Variants in PARP16 observed in about 807,000 individuals in gnomAD.
PARP16 encodes the protein poly(ADP-ribose) polymerase family member 16, also known as protein mono-ADP-ribosyltransferase PARP16.
A neutral mutation model predicts 35.0 loss-of-function variants in PARP16; 31 were observed. That is an observed-to-expected ratio of 0.88 (90% confidence interval 0.66 to 1.19). The LOEUF is 1.19. Among genes scored for constraint, PARP16 ranks in the 50% most tolerant of loss-of-function variants. The pLI is 0.00. For missense variants in PARP16, 424 were observed against 411.2 expected (o/e 1.03, Z -0.27); for synonymous variants, 162 against 169.5 (o/e 0.96, Z 0.34).
At chr15:65,255,186 G>C (rs1376486450), downstream of PARP16, among the ~76,000 whole-genome samples, 2 of 152,116 alleles carry the variant, frequency 1.3e-5, no homozygotes, top group Non-Finnish European at 2.9e-5. Context: ...GTCTCGTGTA[G>C]GGCTTGTCTC....
intron 1 of PARP16, among the ~76,000 whole-genome samples, chr15:65,284,245 CTTTT>C (rs1195241956): frequency 3.3e-5 from 5 of 151,914 alleles, no homozygotes; most frequent in Admixed American, 2.6e-4. Context: ...AGGAATTACC[CTTTT>C]TTATACATTG....
chr15:65,256,006 T>C (rs2089496261), downstream of PARP16, among the ~76,000 whole-genome samples: 1 of 152,210 alleles, frequency 6.6e-6, no homozygotes, highest in African/African-American at 2.4e-5. Flanking sequence ...AAACTGTTCC[T>C]GCTGAGTTTG....
chr15:65,264,106 G>A (rs1270418473), intron 3 of PARP16, among the ~76,000 whole-genome samples: 1 of 152,170 alleles, frequency 6.6e-6, no homozygotes, highest in African/African-American at 2.4e-5. Flanking sequence ...TCTTTGTATT[G>A]GGGTTGACCA....
At chr15:65,241,853 CTT>C (rs1185909762) in intron 3 of PARP16, among the ~76,000 whole-genome samples, 1 of 151,998 alleles carries the variant, frequency 6.6e-6, no homozygotes, top group Non-Finnish European at 1.5e-5. Flanking sequence ...CGACAGTTGT[CTT>C]TTCGTTTTTC....
chr15:65,241,079 G>A (rs1391685837), intron 3 of PARP16, among the ~76,000 whole-genome samples: 1 of 149,722 alleles, frequency 6.7e-6, no homozygotes, highest in African/African-American at 2.5e-5. Context: ...CAAGTGATCT[G>A]CCCCCCTCAG....
At chr15:65,283,027 G>T (rs1405427212) in intron 1 of PARP16, among the ~76,000 whole-genome samples, 1 of 152,166 alleles carries the variant, frequency 6.6e-6, no homozygotes, top group Non-Finnish European at 1.5e-5. Flanking sequence ...AAGCCCCTTT[G>T]CATGTATCCC....
At position 65,259,420 on chromosome 15, in the gene PARP16, C is replaced by G. The variant is rs764337956; in HGVS notation, c.956G>C (p.Arg319Pro). 6.2e-7 allele frequency: 1 copy of G among 1,614,094 alleles called. No individual in the cohort carries two copies. The highest frequency in any genetic ancestry group is 1.7e-5 in the Admixed American group (1 of 60,016). The change falls in exon 6 of 6, where the codon CGT (arginine) becomes CCT (proline). Residue 319 changes from arginine (R) to proline (P), a missense_variant. Arg to Pro is a moderately radical substitution (Grantham distance 103, BLOSUM62 -2). Coordinates refer to ENST00000649807, the MANE Select transcript of PARP16 (RefSeq NM_001316943.2). ...NSSAFQHFWN[R>P]AKR ...GGCCCAGAAAGATTATCTTTTCGCA[C>G]GATTCCAAAAGTGTTGGAAAGCAGA...
At position 65,259,794 on chromosome 15, in the gene PARP16, T is replaced by C. The variant is rs376529488; in HGVS notation, c.834-252A>G. Among the ~76,000 whole-genome samples the C allele has an allele frequency of 7.9e-5, 12 of 152,204 alleles. No homozygotes were observed. The East Asian group carries it at 1.2e-3, about 15-fold the overall frequency. ...CAATGAGCTCATCCTGATCTTCCCTTTTGTAGCTCCTCTTTTACCATTTAC... is the reference window on the plus strand; with the variant it reads ...CAATGAGCTCATCCTGATCTTCCCTCTTGTAGCTCCTCTTTTACCATTTAC... On this transcript the variant is annotated intron_variant, in intron 5 of 5. Coordinates refer to ENST00000649807, the MANE Select transcript of PARP16 (RefSeq NM_001316943.2).
intron 3 of PARP16, among the ~76,000 whole-genome samples, chr15:65,242,274 C>G (rs2089099883): frequency 6.6e-6 from 1 of 152,048 alleles, no homozygotes; most frequent in Non-Finnish European, 1.5e-5. Context: ...TATTGTAGCT[C>G]TGTCTGTAGT....
intron 3 of PARP16, among the ~76,000 whole-genome samples, chr15:65,244,699 G>T (rs528019439): frequency 6.6e-6 from 1 of 152,322 alleles, no homozygotes; most frequent in East Asian, 1.9e-4. Flanking sequence ...CTTGTTTATG[G>T]CTGTATCCCC....
chr15:65,273,922 T>A (rs920060708), intron 1 of PARP16, among the ~76,000 whole-genome samples: 2 of 149,992 alleles, frequency 1.3e-5, no homozygotes, highest in Non-Finnish European at 3.0e-5. Flanking sequence ...ACAGGCCTCA[T>A]GAGGTATCAG....
intron 2 of PARP16, among the ~76,000 whole-genome samples, chr15:65,249,478 G>A (rs772237568): frequency 6.6e-5 from 10 of 152,202 alleles, no homozygotes; most frequent in South Asian, 4.1e-4. Context: ...GAAATGTCTC[G>A]TTCAACCTGG....
intron 1 of PARP16, among the ~76,000 whole-genome samples, chr15:65,272,559 A>G (rs2090127213): frequency 6.6e-6 from 1 of 152,128 alleles, no homozygotes; most frequent in Admixed American, 6.5e-5. Flanking sequence ...TGTTCCAAGA[A>G]TACCCCTTCC....
chr15:65,258,637 T>A lies in PARP16; in HGVS notation c.*770A>T, dbSNP rs2089589728. ...ATTTCCCCTTTTACTCAGCAAAGAC[T>A]AATTTGTTAAACAGCTATTAAAAAA... is the stretch of plus-strand genomic sequence containing the variant. On this transcript the variant is annotated 3_prime_UTR_variant, in exon 6 of 6. Transcript: ENST00000649807. 1 of 152,656 alleles carries A rather than the reference T, an allele frequency of 6.6e-6. No individual in the cohort carries two copies. The highest frequency in any genetic ancestry group is 2.4e-5 in the African/African-American group (1 of 41,444). 9.5% of individuals were successfully genotyped at this position (152,656 alleles called of 1,614,324 possible). A position where few individuals can be genotyped will look rare whatever the true frequency, so the allele number is the denominator to read the frequency against.
intron 1 of PARP16, among the ~76,000 whole-genome samples, 158 bp downstream of exon 1, chr15:65,286,095 C>A (rs566666533): frequency 6.6e-6 from 1 of 152,152 alleles, no homozygotes; most frequent in African/African-American, 2.4e-5. Context: ...GTTCTTAGCT[C>A]ATGGAAACCT....
At position 65,286,844 on chromosome 15, in the gene PARP16, C is replaced by G. The variant is rs2090616305; in HGVS notation, c.-418G>C. Reference sequence around the variant, plus strand: ...CGGGGGACGGCGGGCAGAGCCCACTCTCCGCGACGGGCGAGGCTGCTGCGC... The same window carrying G: ...CGGGGGACGGCGGGCAGAGCCCACTGTCCGCGACGGGCGAGGCTGCTGCGC... On this transcript the variant is annotated 5_prime_UTR_variant, in exon 1 of 6. Transcript: ENST00000649807. 1 of 168,778 alleles carries G rather than the reference C, an allele frequency of 5.9e-6. No individual in the cohort carries two copies. Among genetic ancestry groups the G allele is most frequent in the Non-Finnish European group, 1.3e-5 (1 of 79,416 alleles). 10.5% of individuals were successfully genotyped at this position (168,778 alleles called of 1,614,324 possible).
chr15:65,284,573 G>A (rs1371635599), intron 1 of PARP16, among the ~76,000 whole-genome samples: 7 of 151,632 alleles, frequency 4.6e-5, no homozygotes, highest in East Asian at 1.9e-4. Context: ...TGATCCACCC[G>A]CCTCAGCCTC....
At chr15:65,270,092 ATG>A in intron 2 of PARP16, among the ~76,000 whole-genome samples, 1 of 152,288 alleles carries the variant, frequency 6.6e-6, no homozygotes, top group South Asian at 2.1e-4. Flanking sequence ...CATAGGAAAG[ATG>A]TGTGTCTTTG....
intron 3 of PARP16, among the ~76,000 whole-genome samples, chr15:65,238,538 T>C (rs940572358): frequency 6.6e-6 from 1 of 152,190 alleles, no homozygotes; most frequent in African/African-American, 2.4e-5. Context: ...TCTTGTTGTT[T>C]AGGTCTTATA....
Sources: gnomAD v4.1 joint callset for allele counts (sites outside exome capture counted in the v4.1 genomes callset) on GRCh38, gnomAD v4.1.1 for gene constraint, MANE v1.5 for transcripts, NCBI Gene and HGNC (gene_info 2026-07-23, HGNC 2026-07-21) for gene names.